The following PIP4K2A variants were observed in gnomAD, a reference collection of about 807,000 sequenced individuals.
PIP4K2A encodes phosphatidylinositol 5-phosphate 4-kinase type-2 alpha.
Under a neutral mutation model 42.9 loss-of-function variants are expected in PIP4K2A, and 14 were observed. The observed-to-expected ratio is 0.33, with a 90% CI of 0.22 to 0.51. The LOEUF is 0.51. Among genes scored for constraint, PIP4K2A ranks in the 20% least tolerant of loss-of-function variants. The probability of loss-of-function intolerance (pLI) is 0.97; values close to 1 mark genes in which losing one functional copy is unlikely to be tolerated. For missense variants in PIP4K2A, 434 were observed against 519.8 expected (o/e 0.83, Z 1.61); for synonymous variants, 192 against 192.2 (o/e 1.00, Z 0.01).
At position 22,591,689 on chromosome 10, in the gene PIP4K2A, G is replaced by A. The variant is rs1837515138; in HGVS notation, c.432C>T (p.Ile144=). 1 of 1,613,490 alleles carries A rather than the reference G, an allele frequency of 6.2e-7. No homozygotes were observed. Among genetic ancestry groups the A allele is most frequent in the Non-Finnish European group, 8.5e-7 (1 of 1,179,650 alleles). The change falls in exon 4 of 10, where the codon ATC becomes ATT. Residue 144 remains isoleucine, a synonymous_variant. Coordinates refer to ENST00000376573, the MANE Select transcript of PIP4K2A (RefSeq NM_005028.5). ...CCACGTCTTCACTGGTAATAGTCTT[G>A]ATGATGTATCTTTTGTCGTAGGAAG... ...FHTSYDKRYI[I]KTITSEDVAE...
chr10:22,674,143 CCAAA>C (rs952851314), intron 1 of PIP4K2A, among the ~76,000 whole-genome samples: 2 of 152,134 alleles, frequency 1.3e-5, no homozygotes, highest in African/African-American at 2.4e-5. Flanking sequence ...AGACTAACAA[CCAAA>C]CATTTAGCCA....
At chr10:22,687,791 T>A (rs1019885527) in intron 1 of PIP4K2A, among the ~76,000 whole-genome samples, 15 of 152,206 alleles carry the variant, frequency 9.9e-5, no homozygotes, top group South Asian at 2.1e-4. Context: ...ATTGCATTTT[T>A]AAAAAATCTG....
At chr10:22,585,839 G>A (rs974887076) in intron 4 of PIP4K2A, among the ~76,000 whole-genome samples, 12 of 152,010 alleles carry the variant, frequency 7.9e-5, no homozygotes, top group Non-Finnish European at 1.3e-4. Context: ...CAAGTGATCC[G>A]TCCACCTCGG....
At chr10:22,679,547 C>T (rs1050887878) in intron 1 of PIP4K2A, among the ~76,000 whole-genome samples, 3 of 152,174 alleles carry the variant, frequency 2.0e-5, no homozygotes, top group African/African-American at 4.8e-5. Flanking sequence ...AACAATTTCA[C>T]TACTAGGTAT....
chr10:22,564,401 G>T (rs1414758593), intron 6 of PIP4K2A, among the ~76,000 whole-genome samples: 1 of 152,208 alleles, frequency 6.6e-6, no homozygotes, highest in Admixed American at 6.5e-5. Context: ...GCTAGTGGTA[G>T]TCCCAAGGAA....
intron 1 of PIP4K2A, among the ~76,000 whole-genome samples, chr10:22,663,387 T>C (rs141116312): frequency 1.3e-5 from 2 of 152,338 alleles, no homozygotes; most frequent in Admixed American, 6.5e-5. Context: ...TGGAGAAATC[T>C]TTTGTGTATA....
At chr10:22,557,916 TC>T (rs1836592515) in intron 6 of PIP4K2A, among the ~76,000 whole-genome samples, 1 of 152,230 alleles carries the variant, frequency 6.6e-6, no homozygotes, top group South Asian at 2.1e-4. Flanking sequence ...ATGCACCCAG[TC>T]ACACTTGAGT....
chr10:22,569,143 C>A, intron 5 of PIP4K2A: 1 of 971,772 alleles, frequency 1.0e-6, no homozygotes, highest in Non-Finnish European at 1.6e-6. Context: ...TTCACAGATG[C>A]GGAAACTTGA....
chr10:22,671,339 C>T (rs11013090), intron 1 of PIP4K2A, among the ~76,000 whole-genome samples: 2 of 152,280 alleles, frequency 1.3e-5, no homozygotes, highest in Middle Eastern at 3.4e-3. Flanking sequence ...CTAGTCTCTT[C>T]TGGGTGGAGA....
chr10:22,579,219 T>G (rs1256493204), intron 4 of PIP4K2A, among the ~76,000 whole-genome samples: 1 of 152,182 alleles, frequency 6.6e-6, no homozygotes, highest in Non-Finnish European at 1.5e-5. Context: ...TTATCTGTTC[T>G]GGGACTATTA....
chr10:22,646,915 TCAAGACAAAACAAAACAAAAAACAAAA>T (rs1185802117), intron 1 of PIP4K2A, among the ~76,000 whole-genome samples: 2 of 141,148 alleles, frequency 1.4e-5, no homozygotes, highest in African/African-American at 5.2e-5. Context: ...CAAAAACTCT[TCAAGACAAAACAAAACAAAAAACAAAA>T]CAAAACAAAA....
chr10:22,551,177 C>T (rs1198255262), intron 6 of PIP4K2A, among the ~76,000 whole-genome samples: 1 of 152,154 alleles, frequency 6.6e-6, no homozygotes, highest in African/African-American at 2.4e-5. Context: ...AACTCCATCC[C>T]TCCTCCCACT....
intron 1 of PIP4K2A, among the ~76,000 whole-genome samples, chr10:22,622,862 C>G (rs768299234): frequency 6.6e-6 from 1 of 152,040 alleles, no homozygotes; most frequent in Non-Finnish European, 1.5e-5. Context: ...CTAAAAATAA[C>G]TGAGTCACAG....
intron 6 of PIP4K2A, among the ~76,000 whole-genome samples, chr10:22,563,776 T>A (rs1836768012): frequency 6.6e-6 from 1 of 152,174 alleles, no homozygotes; most frequent in Non-Finnish European, 1.5e-5. Context: ...GTTAAGCAAC[T>A]TCATCCACTC....
At position 22,623,163 on chromosome 10, in the gene PIP4K2A, C is replaced by CT. The variant is rs199851848; in HGVS notation, c.145-13447dup. The stretch of plus-strand genomic sequence containing the variant: ...GATGCGTTTAATGTGCTACCATTGA[C>CT]TTTTTTTTTAAAAAAAAAGGTTACA... On this transcript the variant is annotated intron_variant, in intron 1 of 9. Transcript: ENST00000376573. 4.0e-3 allele frequency among the ~76,000 whole-genome samples: 598 copies of CT among 150,790 alleles called. 3 individuals are homozygous for CT. The highest frequency in any genetic ancestry group is 0.011 in the African/African-American group (459 of 41,044).
At chr10:22,623,415 T>A (rs919282279) in intron 1 of PIP4K2A, among the ~76,000 whole-genome samples, 2 of 152,016 alleles carry the variant, frequency 1.3e-5, no homozygotes, top group Admixed American at 1.3e-4. Flanking sequence ...AAGGCAAGGG[T>A]CGCAAGGGTC....
At chr10:22,636,193 T>C (rs1433649244) in intron 1 of PIP4K2A, among the ~76,000 whole-genome samples, 1 of 152,192 alleles carries the variant, frequency 6.6e-6, no homozygotes, top group African/African-American at 2.4e-5. Flanking sequence ...CTCCTGGCCA[T>C]ACTCAGGGAA....
intron 1 of PIP4K2A, among the ~76,000 whole-genome samples, chr10:22,631,688 G>A (rs901538640): frequency 3.3e-5 from 5 of 152,182 alleles, no homozygotes; most frequent in African/African-American, 9.7e-5. Flanking sequence ...CAACTATGTA[G>A]AAGGAATAAT....
chr10:22,705,512 C>CT (rs1302363440), intron 1 of PIP4K2A, among the ~76,000 whole-genome samples: 1 of 135,012 alleles, frequency 7.4e-6, no homozygotes. Flanking sequence ...CTGGAGGAAA[C>CT]TGAGGTAGGC....
Sources: allele counts gnomAD v4.1 joint callset (sites outside exome capture counted in the v4.1 genomes callset), GRCh38; gene constraint gnomAD v4.1.1; transcripts MANE v1.5; gene names NCBI Gene and HGNC (gene_info 2026-07-23, HGNC 2026-07-21).